VAPA: variants seen among roughly 807,000 people sequenced by gnomAD.
VAPA encodes the protein vesicle-associated membrane protein-associated protein A.
A neutral mutation model predicts 25.6 loss-of-function variants in VAPA; 6 were observed. That is an observed-to-expected ratio of 0.23 (90% CI 0.13 to 0.46). The LOEUF is 0.46. Ranked by LOEUF, VAPA falls within the 20% of genes least tolerant of loss-of-function variation. The pLI is 0.99. For synonymous variants in VAPA, 112 were observed against 106.2 expected (o/e 1.05, Z -0.34); for missense variants, 244 against 302.1 (o/e 0.81, Z 1.43).
Position 9,954,416 on chromosome 18 carries a change from T to C in VAPA, c.*205T>C. The stretch of plus-strand genomic sequence containing the variant: ...GTTCGGCTACTGGACAGGTTGTATA[T>C]TACCAGATCATCACTAGCAGATGTC... On this transcript the variant is annotated 3_prime_UTR_variant, in exon 6 of 6. Coordinates refer to ENST00000400000, the MANE Select transcript of VAPA (RefSeq NM_194434.3). 2.0e-6 allele frequency: 1 copy of C among 494,312 alleles called. No homozygotes were observed. The highest frequency in any genetic ancestry group is 3.5e-6 in the Non-Finnish European group (1 of 283,046). 30.6% of individuals were successfully genotyped at this position (494,312 alleles called of 1,614,324 possible).
intron 1 of VAPA, among the ~76,000 whole-genome samples, chr18:9,930,038 A>G (rs1387885440): frequency 6.6e-6 from 1 of 152,194 alleles, no homozygotes; most frequent in African/African-American, 2.4e-5. Context: ...CAACTCTTGT[A>G]GAGTTTGTTG....
At chr18:9,933,158 T>C (rs2143347273) in intron 2 of VAPA, among the ~76,000 whole-genome samples, 1 of 150,680 alleles carries the variant, frequency 6.6e-6, no homozygotes, top group South Asian at 2.1e-4. Context: ...TCCTAAGATA[T>C]TATAATAATT....
Position 9,931,979 on chromosome 18 carries a change from T to C in VAPA, c.232+17T>C. On this transcript the variant is annotated intron_variant, in intron 2 of 5. Transcript: ENST00000400000. Reference sequence around the variant, plus strand: ...CTGTTTCAGGTAGCAAATCATGTTCTGAATTTATGTACATTTGAATTTTGA... The same window carrying C: ...CTGTTTCAGGTAGCAAATCATGTTCCGAATTTATGTACATTTGAATTTTGA... The C allele has an allele frequency of 6.5e-7, 1 of 1,536,304 alleles. No individual in the cohort carries two copies.
intron 3 of VAPA, 60 bp from the exon 4 acceptor site, chr18:9,936,926 G>T: frequency 6.7e-7 from 1 of 1,501,062 alleles, no homozygotes; most frequent in South Asian, 1.2e-5. Flanking sequence ...CCCGTGAGGT[G>T]AAACTTACTT....
chr18:9,954,235 T>TG lies in VAPA; in HGVS notation c.*24_*25insG, dbSNP rs2069519823. The TG allele has an allele frequency of 2.6e-6, 4 of 1,546,766 alleles. No homozygotes were observed. The African/African-American group carries it at 4.3e-5, about 17-fold the overall frequency. On this transcript the variant is annotated 3_prime_UTR_variant, in exon 6 of 6. Coordinates refer to ENST00000400000, the MANE Select transcript of VAPA (RefSeq NM_194434.3). ...AGAGTGAAGCATGCAGAGTGCTGTTTCTTTTTTTTTTTTTCTCTTGACCAG... is the reference window on the plus strand; with the variant it reads ...AGAGTGAAGCATGCAGAGTGCTGTTTGCTTTTTTTTTTTTTCTCTTGACCAG...
intron 4 of VAPA, chr18:9,947,899 A>G (rs916934901): frequency 5.3e-5 from 8 of 152,078 alleles, no homozygotes; most frequent in African/African-American, 1.9e-4. Context: ...TTACATATAC[A>G]TATATAGCAT....
intron 2 of VAPA, 89 bp from the exon 3 acceptor site, chr18:9,936,021 A>G: frequency 1.1e-6 from 1 of 894,312 alleles, no homozygotes; most frequent in East Asian, 2.8e-5. Flanking sequence ...CAAATCCCAG[A>G]CTTAGTATAA....
chr18:9,942,045 C>A (rs1316861801), intron 4 of VAPA, among the ~76,000 whole-genome samples: 4 of 152,102 alleles, frequency 2.6e-5, no homozygotes, highest in Non-Finnish European at 5.9e-5. Context: ...AAAATCAGTT[C>A]AGCTTTTAAC....
rs1201057534 is a variant in VAPA, at chr18:9,955,641, C to T, written c.*1430C>T. On this transcript the variant is annotated 3_prime_UTR_variant, in exon 6 of 6. Coordinates refer to ENST00000400000, the MANE Select transcript of VAPA (RefSeq NM_194434.3). ...GTGGTGCAGTGAAGTATTTTAGGCC[C>T]AGGTCTGTGTACACATTTTATAGAA... The T allele has an allele frequency of 2.0e-5, 3 of 152,058 alleles. No homozygotes were observed. The highest frequency in any genetic ancestry group is 4.4e-5 in the Non-Finnish European group (3 of 67,996). 9.4% of individuals were successfully genotyped at this position (152,058 alleles called of 1,614,324 possible). A position where few individuals can be genotyped will look rare whatever the true frequency, so the allele number is the denominator to read the frequency against.
chr18:9,954,312 A>AT lies in VAPA; in HGVS notation c.*108dup, dbSNP rs974772457. The AT allele has an allele frequency of 1.4e-5, 15 of 1,064,682 alleles. No individual in the cohort carries two copies. Among genetic ancestry groups the AT allele is most frequent in the African/African-American group, 6.4e-5 (4 of 62,088 alleles). The allele number at this position is 1,064,682 out of a possible 1,614,324, so 66.0% of individuals were successfully genotyped here. Reference sequence around the variant, plus strand: ...ATTGGTAGTATGGCCCACGGTGACCATTTTTTTGTGTGTACAGCGTCATAT... The same window carrying AT: ...ATTGGTAGTATGGCCCACGGTGACCATTTTTTTTGTGTGTACAGCGTCATAT... On this transcript the variant is annotated 3_prime_UTR_variant, in exon 6 of 6. Transcript: ENST00000400000.
intron 4 of VAPA, among the ~76,000 whole-genome samples, chr18:9,940,845 C>T (rs1269798928): frequency 1.3e-5 from 2 of 152,116 alleles, no homozygotes; most frequent in Non-Finnish European, 1.5e-5. Context: ...AATATATCAC[C>T]ATTTCAAATT....
chr18:9,935,495 G>C (rs956847393), intron 2 of VAPA, among the ~76,000 whole-genome samples: 12 of 152,186 alleles, frequency 7.9e-5, no homozygotes, highest in African/African-American at 2.9e-4. Context: ...GATTGCCTGA[G>C]CCTAGGGAGG....
At chr18:9,919,054 A>T (rs1159302743) in intron 1 of VAPA, among the ~76,000 whole-genome samples, 1 of 151,898 alleles carries the variant, frequency 6.6e-6, no homozygotes, top group Non-Finnish European at 1.5e-5. Context: ...TGCCCAGCTA[A>T]TTTTTTACGT....
At chr18:9,944,073 T>C (rs2069396052) in intron 4 of VAPA, among the ~76,000 whole-genome samples, 2 of 151,714 alleles carry the variant, frequency 1.3e-5, no homozygotes, top group South Asian at 4.2e-4. Flanking sequence ...GTGGTGTCAA[T>C]CTCCTGACCT....
intron 5 of VAPA, 133 bp downstream of exon 5, chr18:9,950,701 G>C (rs796960176): frequency 2.4e-6 from 2 of 838,378 alleles, no homozygotes; most frequent in Non-Finnish European, 3.6e-6. Context: ...CAGTGCCTTT[G>C]CTCCCCACCC....
At chr18:9,939,471 A>G (rs923027017) in intron 4 of VAPA, among the ~76,000 whole-genome samples, 56 of 147,924 alleles carry the variant, frequency 3.8e-4, no homozygotes, top group African/African-American at 1.3e-3. Context: ...AAATACTTCT[A>G]TTGGATGATA....
intron 4 of VAPA, among the ~76,000 whole-genome samples, chr18:9,947,218 G>A (rs570496493): frequency 1.9e-3 from 2 of 1,056 alleles, no homozygotes; most frequent in East Asian, 0.11. Flanking sequence ...ATGATAAAAA[G>A]CATAACAGTA....
chr18:9,922,182 C>A (rs1048892153), intron 1 of VAPA, among the ~76,000 whole-genome samples: 2 of 151,996 alleles, frequency 1.3e-5, no homozygotes, highest in South Asian at 4.1e-4. Flanking sequence ...TTTGCCCAGC[C>A]AGATCTTGAA....
intron 4 of VAPA, among the ~76,000 whole-genome samples, chr18:9,944,668 A>C (rs1212446093): frequency 6.6e-6 from 1 of 152,284 alleles, no homozygotes; most frequent in South Asian, 2.1e-4. Flanking sequence ...ATTTTAATAA[A>C]GTATGTACAT....
Sources: gnomAD v4.1 joint callset for allele counts (sites outside exome capture counted in the v4.1 genomes callset) on GRCh38, gnomAD v4.1.1 for gene constraint, MANE v1.5 for transcripts, NCBI Gene and HGNC (gene_info 2026-07-23, HGNC 2026-07-21) for gene names.